The following DNAAF1 variants were observed in gnomAD, a reference collection of about 807,000 sequenced individuals.
DNAAF1 encodes dynein axonemal assembly factor 1, also known as dynein assembly factor 1, axonemal.
In DNAAF1, 65 loss-of-function variants were observed where a neutral mutation model predicts 71.1. The observed-to-expected ratio is 0.91, with a 90% CI of 0.75 to 1.12. DNAAF1 has a LOEUF of 1.12. Among genes scored for constraint, DNAAF1 ranks in the 50% most tolerant of loss-of-function variants. The pLI is 0.00. For synonymous variants in DNAAF1, 414 were observed against 354.6 expected (o/e 1.17, Z -1.88); for missense variants, 1,178 against 899.8 (o/e 1.31, Z -3.96).
At chr16:84,150,444 T>C (rs1354794906) in intron 3 of DNAAF1, 102 bp downstream of exon 3, 1 of 885,806 alleles carries the variant, frequency 1.1e-6, no homozygotes, top group Non-Finnish European at 1.9e-6. Context: ...TCAGAATGTA[T>C]CTAAGCAGGA....
chr16:84,149,623 G>C lies in DNAAF1; in HGVS notation c.260+481G>C, dbSNP rs560835535. Among the ~76,000 whole-genome samples, 94 of 138,246 alleles carry C rather than the reference G, an allele frequency of 6.8e-4. 2 individuals are homozygous for C. Among genetic ancestry groups the C allele is most frequent in the African/African-American group, 2.3e-3 (86 of 36,648 alleles). 90.7% of individuals were successfully genotyped at this position (138,246 alleles called of 152,430 possible). A position where few individuals can be genotyped will look rare whatever the true frequency, so the allele number is the denominator to read the frequency against. On this transcript the variant is annotated intron_variant, in intron 2 of 11. Transcript: ENST00000378553. ...GGAGGATCGCTTGAACCCGGGAGGC[G>C]AAGGTTGCAGTGAGCCGAGATCATA...
rs536845869 is a variant in DNAAF1 at position 84,155,109 on chromosome 16, C to T, written c.574+311C>T. On this transcript the variant is annotated intron_variant, in intron 4 of 11. Transcript: ENST00000378553. ...ATTTTTAGTAGAGACGGGGTTTCAC[C>T]GTGTTAGCCAGGATGGTCTCGATCT... Among the ~76,000 whole-genome samples, 366 of 152,216 alleles carry T rather than the reference C, an allele frequency of 2.4e-3. 2 individuals carry two copies. Among genetic ancestry groups the T allele is most frequent in the Non-Finnish European group, 1.8e-3 (125 of 68,008 alleles).
intron 10 of DNAAF1, chr16:84,175,603 C>A: frequency 2.7e-6 from 1 of 370,416 alleles, no homozygotes; most frequent in Non-Finnish European, 5.1e-6. Flanking sequence ...AGCTAAGTCC[C>A]AGAGAGTCTG....
In DNAAF1 at chr16:84,174,622, C is replaced by T. The variant is rs762954791; in HGVS notation, c.1645-47C>T. On this transcript the variant is annotated intron_variant, in intron 9 of 11. Transcript: ENST00000378553. ...TTTATCGTGCCTATCAGAACGTTGA[C>T]AGTGCGTGTACCTCCCTGGTGATGT... 36 of 1,613,908 alleles carry T rather than the reference C, an allele frequency of 2.2e-5. No homozygotes were observed. The Admixed American group carries it at 2.8e-4, about 13-fold the overall frequency.
intron 7 of DNAAF1, among the ~76,000 whole-genome samples, chr16:84,166,275 A>G (rs1450304589): frequency 6.6e-6 from 1 of 150,376 alleles, no homozygotes; most frequent in East Asian, 1.9e-4. Context: ...CTCGTCTCGA[A>G]CTCCTGGCTT....
chr16:84,147,128 A>C (rs981665744), intron 1 of DNAAF1, among the ~76,000 whole-genome samples: 14 of 152,240 alleles, frequency 9.2e-5, no homozygotes, highest in African/African-American at 3.4e-4. Flanking sequence ...ACAGGAGTAT[A>C]AGGAGAGAAT....
intron 8 of DNAAF1, 80 bp from the exon 9 acceptor site, chr16:84,172,180 G>T: frequency 7.3e-7 from 1 of 1,372,946 alleles, no homozygotes; most frequent in South Asian, 1.2e-5. Flanking sequence ...CCCGGCCCTT[G>T]GGAGCCCATC....
At chr16:84,176,608 G>A (rs2088680787) in intron 11 of DNAAF1, 2 of 466,046 alleles carry the variant, frequency 4.3e-6, no homozygotes, top group South Asian at 2.1e-5. Context: ...GGGGCCTAAT[G>A]ACCGTGCATT....
intron 5 of DNAAF1, among the ~76,000 whole-genome samples, chr16:84,159,384 T>A (rs7196387): frequency 7.9e-5 from 12 of 152,046 alleles, no homozygotes; most frequent in Admixed American, 5.2e-4. Flanking sequence ...TCAACTGCAC[T>A]CAGAAAAAGC....
chr16:84,158,092 C>G (rs912489095), intron 5 of DNAAF1, among the ~76,000 whole-genome samples: 8 of 152,054 alleles, frequency 5.3e-5, no homozygotes, highest in Non-Finnish European at 7.4e-5. Context: ...GTAGTCCCAG[C>G]TACTCTGGTG....
At chr16:84,159,534 C>G in intron 5 of DNAAF1, 141 bp from the exon 6 acceptor site, 3 of 1,189,422 alleles carry the variant, frequency 2.5e-6, no homozygotes, top group South Asian at 1.3e-5. Context: ...TTTCTCCCAT[C>G]AAGTCACCAG....
intron 2 of DNAAF1, 48 bp from the exon 3 acceptor site, chr16:84,150,203 C>A (rs79344362): frequency 2.9e-6 from 4 of 1,400,782 alleles, no homozygotes; most frequent in Non-Finnish European, 4.1e-6. Flanking sequence ...ATATGTTTTA[C>A]AGCTGACAAT....
chr16:84,166,921 G>A lies in DNAAF1; in HGVS notation c.1030+972G>A, dbSNP rs2088038366. The stretch of plus-strand genomic sequence containing the variant: ...CAGCACACTTGTGGTCACGCAATGT[G>A]CAGGGTGTCCCCACACCCACCAATT... On this transcript the variant is annotated intron_variant, in intron 7 of 11. Transcript: ENST00000378553. Among the ~76,000 whole-genome samples, 3 of 152,316 alleles carry A rather than the reference G, an allele frequency of 2.0e-5. No homozygotes were observed. In the South Asian group the frequency reaches 6.2e-4, roughly 32 times the overall value.
At position 84,149,139 on chromosome 16, in the gene DNAAF1, C is replaced by T; in HGVS notation, c.257C>T (p.Pro86Leu). The change falls in exon 2 of 12, where the codon CCC (proline) becomes CTC (leucine). Residue 86 changes from proline to leucine, a missense_variant. Physicochemically the swap from Pro to Leu is moderately conservative, Grantham distance 98. Transcript: ENST00000378553. ...HPREDREDRGPRMTKSSLQKL... is the reference protein window; with the variant it reads ...HPREDREDRGLRMTKSSLQKL... ...AGAGAAGACAGGGAAGATCGGGGCCCCAGGTATGTGGGCATACTCCTAATT... is the reference window on the plus strand; with the variant it reads ...AGAGAAGACAGGGAAGATCGGGGCCTCAGGTATGTGGGCATACTCCTAATT... 1.2e-6 allele frequency: 2 copies of T among 1,613,882 alleles called. No homozygotes were observed. The highest frequency in any genetic ancestry group is 1.7e-6 in the Non-Finnish European group (2 of 1,179,984).
chr16:84,148,596 C>CTCTCTCTCTTTTTTTTTTTT, intron 1 of DNAAF1, among the ~76,000 whole-genome samples: 4 of 43,578 alleles, frequency 9.2e-5, no homozygotes, highest in Admixed American at 3.2e-4. Flanking sequence ...CTCTCTCTCT[C>CTCTCTCTCTTTTTTTTTTTT]TTTTTTTTTT....
chr16:84,159,697 AC>A lies in DNAAF1; in HGVS notation c.767del (p.Pro256ArgfsTer17). 6.2e-7 allele frequency: 1 copy of A among 1,613,684 alleles called. No individual in the cohort carries two copies. Among genetic ancestry groups the A allele is most frequent in the Non-Finnish European group, 8.5e-7 (1 of 1,179,696 alleles). Reference sequence around the variant, plus strand: ...CAGCGTGTACTGAATTTGATGGGAAACCCGGTTATCAGACAGATTCCTAATT... The same window carrying A: ...CAGCGTGTACTGAATTTGATGGGAAACCGGTTATCAGACAGATTCCTAATT... ...PDLRVLNLMG[N>X]PVIRQIPNYR... On this transcript the variant is annotated frameshift_variant, in exon 6 of 12. Coordinates refer to ENST00000378553, the MANE Select transcript of DNAAF1 (RefSeq NM_178452.6). LOFTEE classifies it high-confidence loss of function.
intron 9 of DNAAF1, 161 bp from the exon 10 acceptor site, chr16:84,174,508 T>C (rs2088549973): frequency 1.3e-6 from 2 of 1,532,004 alleles, no homozygotes; most frequent in East Asian, 2.5e-5. Flanking sequence ...TGTGTGTATC[T>C]AGAGTTCCTT....
At chr16:84,168,812 T>A (rs2088159608) in intron 7 of DNAAF1, among the ~76,000 whole-genome samples, 1 of 108,900 alleles carries the variant, frequency 9.2e-6, no homozygotes. Context: ...CATAATTTGC[T>A]ACACATTTGC....
chr16:84,170,663 C>T (rs1386643216), intron 8 of DNAAF1, among the ~76,000 whole-genome samples: 1 of 151,960 alleles, frequency 6.6e-6, no homozygotes, highest in Non-Finnish European at 1.5e-5. Flanking sequence ...GAGACCTCAT[C>T]CCTACCAAAA....
Sources: gnomAD v4.1 joint callset for allele counts (sites outside exome capture counted in the v4.1 genomes callset) on GRCh38, gnomAD v4.1.1 for gene constraint, MANE v1.5 for transcripts, NCBI Gene and HGNC (gene_info 2026-07-23, HGNC 2026-07-21) for gene names.